Variants in MAU2 observed in about 807,000 individuals in gnomAD.
MAU2 encodes the protein MAU2 chromatid cohesion factor homolog.
Under a neutral mutation model 89.1 loss-of-function variants are expected in MAU2, and 9 were observed. That is an observed-to-expected ratio of 0.10 (90% CI 0.06 to 0.18). The LOEUF (loss-of-function observed/expected upper bound fraction) is 0.18. MAU2 is among the 10% of genes least tolerant of loss of function. The pLI is 1.00. For missense variants in MAU2, 425 were observed against 803.5 expected (o/e 0.53, Z 5.69); for synonymous variants, 357 against 343.4 (o/e 1.04, Z -0.44).
chr19:19,335,289 A>G (rs1488367271), intron 1 of MAU2, among the ~76,000 whole-genome samples: 1 of 151,996 alleles, frequency 6.6e-6, no homozygotes, highest in East Asian at 1.9e-4. Context: ...TCCAGTTGAA[A>G]CTGATTTCTC....
In MAU2 at chr19:19,320,909, C is replaced by A; in HGVS notation, c.50C>A (p.Ala17Glu). The A allele has an allele frequency of 6.4e-7, 1 of 1,552,310 alleles. No homozygotes were observed. Among genetic ancestry groups the A allele is most frequent in the Non-Finnish European group, 8.7e-7 (1 of 1,150,376 alleles). ...AAAQAAAAQA[A>E]QAEAADSWYL... Reference sequence around the variant, plus strand: ...GCCCAGGCGGCGGCGGCCCAGGCTGCGCAGGCCGAGGCGGCCGACTCGTGG... The same window carrying A: ...GCCCAGGCGGCGGCGGCCCAGGCTGAGCAGGCCGAGGCGGCCGACTCGTGG... The change falls in exon 1 of 19, where the codon GCG (alanine) becomes GAG (glutamate). Residue 17 changes from alanine (A) to glutamate (E), a missense_variant. This residue lies in a region of MAU2 where 61 missense variants were observed against 40.1 expected (regional missense o/e 1.52). Coordinates refer to ENST00000262815, the MANE Select transcript of MAU2 (RefSeq NM_015329.4).
In MAU2 at chr19:19,357,697, A is replaced by C. The variant is rs2048195467; in HGVS notation, c.*1915A>C. On this transcript the variant is annotated 3_prime_UTR_variant, in exon 19 of 19. Coordinates refer to ENST00000262815, the MANE Select transcript of MAU2 (RefSeq NM_015329.4). ...GCTTTTCATGACCACCCTGTTATCT[A>C]TGTATATGTAAAGTTAAGGATGAGA... 6.6e-6 allele frequency: 1 copy of C among 152,422 alleles called. No individual in the cohort carries two copies. The highest frequency in any genetic ancestry group is 2.4e-5 in the African/African-American group (1 of 41,406). The allele number at this position is 152,422 out of a possible 1,614,324, so 9.4% of individuals were successfully genotyped here. A position where few individuals can be genotyped will look rare whatever the true frequency, so the allele number is the denominator to read the frequency against.
intron 13 of MAU2, chr19:19,347,627 A>T (rs929400175): frequency 2.4e-6 from 1 of 409,726 alleles, no homozygotes; most frequent in Non-Finnish European, 4.5e-6. Context: ...AGCTGTATGA[A>T]TCACACAGAC....
chr19:19,330,980 C>T (rs1283103549), intron 1 of MAU2, among the ~76,000 whole-genome samples: 2 of 152,132 alleles, frequency 1.3e-5, no homozygotes. Context: ...TGGACTGAAT[C>T]CTCCAGGCAC....
chr19:19,323,342 G>A (rs1324915704), intron 1 of MAU2, among the ~76,000 whole-genome samples: 4 of 151,880 alleles, frequency 2.6e-5, no homozygotes, highest in Non-Finnish European at 4.4e-5. Context: ...TTACAGGCTT[G>A]CACCACATCA....
rs2061602965 is a variant in MAU2, at chr19:19,337,110, T to C, written c.361-60T>C. On this transcript the variant is annotated intron_variant, in intron 3 of 18. Coordinates refer to ENST00000262815, the MANE Select transcript of MAU2 (RefSeq NM_015329.4). The stretch of plus-strand genomic sequence containing the variant: ...CACAGCTGCTGCTAAGGAATCCAGC[T>C]TGATTGCCGCCTTGTTTTTTTTTTT... 28 of 1,327,444 alleles carry C rather than the reference T, an allele frequency of 2.1e-5. No individual in the cohort carries two copies. In the South Asian group the frequency reaches 3.0e-4, roughly 14 times the overall value. The allele number at this position is 1,327,444 out of a possible 1,614,324, so 82.2% of individuals were successfully genotyped here.
Position 19,345,729 on chromosome 19 carries a change from G to A in MAU2, c.1221+360G>A, listed in dbSNP as rs925640102. 3.3e-5 allele frequency among the ~76,000 whole-genome samples: 5 copies of A among 152,156 alleles called. No homozygotes were observed. The highest frequency in any genetic ancestry group is 4.4e-5 in the Non-Finnish European group (3 of 68,006). On this transcript the variant is annotated intron_variant, in intron 12 of 18. Transcript: ENST00000262815. This position sits in a 1 kb window ranked among gnomAD's most constrained non-coding sequence, Gnocchi z 4.9. ...AACTCAGAGCCATCCTGGGTTCAGG[G>A]CTCCCATGGGGAGTGGTGGAGCTGG...
chr19:19,320,902 C>G lies in MAU2; in HGVS notation c.43C>G (p.Gln15Glu), dbSNP rs771320880. ...AAAAAQAAAA[Q>E]AAQAEAADSW... ...GGCAGCGGCCCAGGCGGCGGCGGCC[C>G]AGGCTGCGCAGGCCGAGGCGGCCGA... is the stretch of plus-strand genomic sequence containing the variant. The change falls in exon 1 of 19, where the codon CAG becomes GAG. Residue 15 changes from glutamine to glutamate, a missense_variant. Around this residue, in one of 11 missense-constraint regions of MAU2, gnomAD observed 61 missense variants for 40.1 expected, o/e 1.52. Coordinates refer to ENST00000262815, the MANE Select transcript of MAU2 (RefSeq NM_015329.4). 1.4e-5 allele frequency: 22 copies of G among 1,540,984 alleles called. No homozygotes were observed. The Admixed American group carries it at 2.4e-4, about 17-fold the overall frequency.
In MAU2 at chr19:19,355,649, CTCT is replaced by C. The variant is rs757502156; in HGVS notation, c.1768-53_1768-51del. On this transcript the variant is annotated intron_variant, in intron 18 of 18. Coordinates refer to ENST00000262815, the MANE Select transcript of MAU2 (RefSeq NM_015329.4). Reference sequence around the variant, plus strand: ...AGCCCAAGGAAGGCAGCATTCCAACCTCTTCTTCCCTGGGAACGGTCCACAGTG... The same window carrying C: ...AGCCCAAGGAAGGCAGCATTCCAACCTCTTCCCTGGGAACGGTCCACAGTG... 4.1e-6 allele frequency: 6 copies of C among 1,461,148 alleles called. No individual in the cohort carries two copies. In the South Asian group the frequency reaches 7.2e-5, roughly 18 times the overall value. The allele number at this position is 1,461,148 out of a possible 1,614,324, so 90.5% of individuals were successfully genotyped here.
chr19:19,348,820 G>A (rs757275735), intron 13 of MAU2, 69 bp from the exon 14 acceptor site: 8 of 1,512,416 alleles, frequency 5.3e-6, no homozygotes, highest in Non-Finnish European at 6.4e-6. Context: ...CCCATGCACT[G>A]CAGTGTGTCT....
intron 1 of MAU2, among the ~76,000 whole-genome samples, chr19:19,328,409 C>A (rs745854514): frequency 3.3e-5 from 5 of 151,484 alleles, no homozygotes; most frequent in African/African-American, 4.9e-5. Context: ...CCTGCATATC[C>A]GTTTCCCCCT....
chr19:19,355,232 G>A (rs2048164215), intron 17 of MAU2, 32 bp from the exon 18 acceptor site: 1 of 1,613,036 alleles, frequency 6.2e-7, no homozygotes, highest in Admixed American at 1.7e-5. Flanking sequence ...GACAGGGCAA[G>A]GCGGGCCCCC....
At chr19:19,348,436 T>G in intron 13 of MAU2, 2 of 251,484 alleles carry the variant, frequency 8.0e-6, no homozygotes, top group Non-Finnish European at 1.6e-5. Flanking sequence ...TGAGGAGGAG[T>G]TTGGCTCCCC....
chr19:19,326,688 A>AG (rs1462607077), intron 1 of MAU2, among the ~76,000 whole-genome samples: 1 of 121,608 alleles, frequency 8.2e-6, no homozygotes, highest in South Asian at 2.6e-4. Flanking sequence ...TGTCTCAAAA[A>AG]AAAATATATA....
chr19:19,345,262 T>TC lies in MAU2; in HGVS notation c.1156-38dup, dbSNP rs1335284040. ...CCACGTGTCTCTGATCTGAGCCCCC[T>TC]CCCCAGGGGCCGGCCCTGATGACAA... On this transcript the variant is annotated intron_variant, in intron 11 of 18. Coordinates refer to ENST00000262815, the MANE Select transcript of MAU2 (RefSeq NM_015329.4). The surrounding 1 kb of genome is among the most constrained non-coding windows in gnomAD (Gnocchi z 4.9). The TC allele has an allele frequency of 6.3e-7, 1 of 1,581,460 alleles. No individual in the cohort carries two copies. The highest frequency in any genetic ancestry group is 1.3e-5 in the African/African-American group (1 of 74,260).
At chr19:19,323,462 A>G (rs906302547) in intron 1 of MAU2, among the ~76,000 whole-genome samples, 1 of 151,992 alleles carries the variant, frequency 6.6e-6, no homozygotes, top group Admixed American at 6.6e-5. Context: ...CCAAAGTGCT[A>G]GGATTATAGG....
intron 4 of MAU2, 81 bp from the exon 5 acceptor site, chr19:19,338,764 G>A (rs1363370026): frequency 7.5e-6 from 8 of 1,062,164 alleles, no homozygotes; most frequent in South Asian, 4.6e-5. Flanking sequence ...GTTTGGTTGA[G>A]TTTGCTAACA....
chr19:19,328,401 T>A (rs1339162194), intron 1 of MAU2, among the ~76,000 whole-genome samples: 2 of 151,814 alleles, frequency 1.3e-5, no homozygotes, highest in Non-Finnish European at 2.9e-5. Context: ...AGAATGTACC[T>A]GCATATCCGT....
intron 1 of MAU2, among the ~76,000 whole-genome samples, chr19:19,322,679 G>C (rs2061471162): frequency 1.3e-5 from 2 of 151,930 alleles, no homozygotes; most frequent in South Asian, 4.2e-4. Context: ...CTGTGATCCT[G>C]TCAGACCCCT....
Sources: gnomAD v4.1 joint callset for allele counts (sites outside exome capture counted in the v4.1 genomes callset) on GRCh38, gnomAD v4.1.1 for gene constraint, gnomAD v4.1.1 regional missense constraint, Gnocchi (gnomAD v3.1) non-coding constraint, MANE v1.5 for transcripts, NCBI Gene and HGNC (gene_info 2026-07-23, HGNC 2026-07-21) for gene names.